Variants in LMX1A observed in about 807,000 individuals in gnomAD.
LMX1A encodes LIM homeobox transcription factor 1-alpha.
LMX1A carries 15 observed loss-of-function variants against 49.1 expected under a neutral mutation model. The ratio of observed to expected loss-of-function variants is 0.31; its 90% CI spans 0.20 to 0.47. LMX1A has a LOEUF of 0.47. Among genes scored for constraint, LMX1A ranks in the 20% least tolerant of loss-of-function variants. The probability of loss-of-function intolerance (pLI) is 1.00; values close to 1 mark genes in which losing one functional copy is unlikely to be tolerated. For missense variants in LMX1A, 372 were observed against 475.8 expected (o/e 0.78, Z 2.03); for synonymous variants, 167 against 185.7 (o/e 0.90, Z 0.82).
At position 165,208,115 on chromosome 1, in the gene LMX1A, C is replaced by A. The variant is rs1557847707; in HGVS notation, c.765G>T (p.Arg255Ser). Residue 255 changes from arginine (R) to serine (S), a missense_variant, in exon 7 of 9, where the codon AGG (arginine) becomes AGT (serine). This residue lies in a region of LMX1A where 46 missense variants were observed against 93.8 expected (regional missense o/e 0.49). Transcript: ENST00000342310. Reference sequence around the variant, plus strand: ...GATCTTGCTGCTGCTGCTGCTGTCGCCTGGCCAGCTTCTTCATCTGATAAG... The same window carrying A: ...GATCTTGCTGCTGCTGCTGCTGTCGACTGGCCAGCTTCTTCATCTGATAAG... ...NQRAKMKKLA[R>S]RQQQQQQDQQ... 1 of 1,613,992 alleles carries A rather than the reference C, an allele frequency of 6.2e-7. No homozygotes were observed. Among genetic ancestry groups the A allele is most frequent in the Non-Finnish European group, 8.5e-7 (1 of 1,179,994 alleles).
chr1:165,345,738 G>T (rs1656223820), intron 3 of LMX1A, among the ~76,000 whole-genome samples: 1 of 152,146 alleles, frequency 6.6e-6, no homozygotes, highest in African/African-American at 2.4e-5. Context: ...TGCCTCTAAA[G>T]GCTAATTAGG....
chr1:165,205,200 G>A (rs1446376014), intron 8 of LMX1A, among the ~76,000 whole-genome samples: 1 of 152,034 alleles, frequency 6.6e-6, no homozygotes, highest in Non-Finnish European at 1.5e-5. Context: ...CCCTATACTT[G>A]GCTGAGGTTG....
In LMX1A at chr1:165,275,682, A is replaced by G. The variant is rs1186370561; in HGVS notation, c.264-26042T>C. Among the ~76,000 whole-genome samples the G allele has an allele frequency of 2.0e-5, 3 of 152,262 alleles. No individual in the cohort carries two copies. In the East Asian group the frequency reaches 5.8e-4, roughly 29 times the overall value. ...TTCTCCAGGGAAGAAGAGCTGCTGAATCACTCTTGGGACTGGAAGGGGGCT... is the reference window on the plus strand; with the variant it reads ...TTCTCCAGGGAAGAAGAGCTGCTGAGTCACTCTTGGGACTGGAAGGGGGCT... On this transcript the variant is annotated intron_variant, in intron 3 of 8. Coordinates refer to ENST00000342310, the MANE Select transcript of LMX1A (RefSeq NM_177398.4).
chr1:165,281,744 G>A (rs371353635), intron 3 of LMX1A, among the ~76,000 whole-genome samples: 6 of 136,670 alleles, frequency 4.4e-5, no homozygotes, highest in Non-Finnish European at 8.4e-5. Context: ...GTGTGTGTGT[G>A]TATGTGTGTG....
intron 3 of LMX1A, among the ~76,000 whole-genome samples, chr1:165,347,154 C>T (rs1459975862): frequency 6.6e-6 from 1 of 152,190 alleles, no homozygotes; most frequent in African/African-American, 2.4e-5. Flanking sequence ...CAAAGTCTCC[C>T]TCTCTTTCAG....
chr1:165,336,802 T>A (rs1571230091), intron 3 of LMX1A, among the ~76,000 whole-genome samples: 1 of 152,296 alleles, frequency 6.6e-6, no homozygotes, highest in East Asian at 1.9e-4. Flanking sequence ...ATCAGACTTG[T>A]GAGCGAAACA....
chr1:165,336,322 C>T (rs766682024), intron 3 of LMX1A, among the ~76,000 whole-genome samples: 1 of 152,132 alleles, frequency 6.6e-6, no homozygotes, highest in Non-Finnish European at 1.5e-5. Flanking sequence ...TTCTAGATCA[C>T]TAACCTTTAA....
rs77103889 is a variant in LMX1A at position 165,213,534 on chromosome 1, C to T, written c.669+107G>A. The T allele has an allele frequency of 7.3e-3, 7,506 of 1,028,424 alleles. 353 individuals carry two copies. The African/African-American group carries it at 0.11, about 15-fold the overall frequency. The allele number at this position is 1,028,424 out of a possible 1,614,324, so 63.7% of individuals were successfully genotyped here. A position where few individuals can be genotyped will look rare whatever the true frequency, so the allele number is the denominator to read the frequency against. On this transcript the variant is annotated intron_variant, in intron 5 of 8. Transcript: ENST00000342310. Reference sequence around the variant, plus strand: ...GCCTGTGCAGGCTCTGTCTGAACAGCCTTCCTCACCACTGTGACCCCCAAT... The same window carrying T: ...GCCTGTGCAGGCTCTGTCTGAACAGTCTTCCTCACCACTGTGACCCCCAAT...
chr1:165,285,012 GA>G (rs1654265162), intron 3 of LMX1A, among the ~76,000 whole-genome samples: 1 of 152,252 alleles, frequency 6.6e-6, no homozygotes, highest in Non-Finnish European at 1.5e-5. Flanking sequence ...TGCCAGATGG[GA>G]AGTGATTGGT....
At chr1:165,287,361 GCTCGGACTACACCT>G (rs958610576) in intron 3 of LMX1A, among the ~76,000 whole-genome samples, 9 of 152,246 alleles carry the variant, frequency 5.9e-5, no homozygotes, top group South Asian at 2.1e-4. Context: ...GTAAATTGGA[GCTCGGACTACACCT>G]CTCGGACTAC....
chr1:165,350,356 G>C (rs1211295352), intron 3 of LMX1A, among the ~76,000 whole-genome samples: 2 of 152,076 alleles, frequency 1.3e-5, no homozygotes, highest in Non-Finnish European at 2.9e-5. Flanking sequence ...ACTCTAAATG[G>C]AAGAAGCCCT....
chr1:165,253,224 A>T (rs1653120510), intron 3 of LMX1A, among the ~76,000 whole-genome samples: 2 of 152,200 alleles, frequency 1.3e-5, no homozygotes, highest in South Asian at 4.1e-4. Context: ...ACATTTAGGG[A>T]TTTACCTTTA....
chr1:165,277,614 C>A (rs180779493), intron 3 of LMX1A, among the ~76,000 whole-genome samples: 3 of 152,346 alleles, frequency 2.0e-5, no homozygotes, highest in Admixed American at 6.5e-5. Flanking sequence ...TCCGTCTTTA[C>A]TCTACCAGCC....
At chr1:165,273,389 A>G (rs1653864570) in intron 3 of LMX1A, among the ~76,000 whole-genome samples, 2 of 152,214 alleles carry the variant, frequency 1.3e-5, no homozygotes, top group Non-Finnish European at 1.5e-5. Flanking sequence ...CCCAAGACAC[A>G]CAATCTGCAT....
intron 4 of LMX1A, among the ~76,000 whole-genome samples, chr1:165,230,488 G>A (rs1307082768): frequency 6.6e-6 from 1 of 152,080 alleles, no homozygotes; most frequent in Non-Finnish European, 1.5e-5. Flanking sequence ...TTTCCTGGTG[G>A]CAGGAACATC....
At chr1:165,261,482 T>G (rs932618216) in intron 3 of LMX1A, among the ~76,000 whole-genome samples, 23 of 152,126 alleles carry the variant, frequency 1.5e-4, no homozygotes, top group African/African-American at 5.3e-4. Context: ...GTACGGAGTT[T>G]CCTCAAAAAA....
intron 3 of LMX1A, among the ~76,000 whole-genome samples, chr1:165,259,663 G>A (rs995927802): frequency 3.9e-5 from 6 of 152,066 alleles, no homozygotes; most frequent in African/African-American, 9.7e-5. Flanking sequence ...CGATAAAGGG[G>A]CAATAATCTA....
At chr1:165,336,195 G>A (rs1344175253) in intron 3 of LMX1A, among the ~76,000 whole-genome samples, 1 of 152,134 alleles carries the variant, frequency 6.6e-6, no homozygotes, top group Non-Finnish European at 1.5e-5. Flanking sequence ...CTATTGTCAG[G>A]GGTGGGGTGG....
chr1:165,233,637 C>A (rs77941437), intron 4 of LMX1A, among the ~76,000 whole-genome samples: 3,881 of 152,270 alleles, frequency 0.025, 81 homozygotes, highest in South Asian at 0.048. Context: ...TTATCTAGAT[C>A]CCTGGTTCTT....
Sources: allele counts gnomAD v4.1 joint callset (sites outside exome capture counted in the v4.1 genomes callset), GRCh38; gene constraint gnomAD v4.1.1; regional missense constraint gnomAD v4.1.1; transcripts MANE v1.5; gene names NCBI Gene and HGNC (gene_info 2026-07-23, HGNC 2026-07-21).